TAF1A: variants seen among roughly 807,000 people sequenced by gnomAD.
TAF1A encodes TATA-box binding protein associated factor, RNA polymerase I subunit A.
Under a neutral mutation model 61.6 loss-of-function variants are expected in TAF1A, and 42 were observed. That is an observed-to-expected ratio of 0.68 (90% CI 0.53 to 0.88). The LOEUF (loss-of-function observed/expected upper bound fraction) is 0.88. Ranked by LOEUF, TAF1A falls within the 40% of genes least tolerant of loss-of-function variation. TAF1A has a pLI of 0.00. For synonymous variants in TAF1A, 179 were observed against 177.7 expected, an observed-to-expected ratio of 1.01 and a Z score of -0.06; for missense variants, 424 against 518.7, an observed-to-expected ratio of 0.82 and a Z score of 1.77.
intron 3 of TAF1A, among the ~76,000 whole-genome samples, 155 bp downstream of exon 3, chr1:222,583,973 C>T (rs1660908472): frequency 6.6e-6 from 1 of 151,800 alleles, no homozygotes; most frequent in Non-Finnish European, 1.5e-5. Flanking sequence ...AAGAAGTGTG[C>T]AAAAAAGGTC....
intron 8 of TAF1A, 86 bp from the exon 9 acceptor site, chr1:222,563,382 A>G: frequency 7.3e-7 from 1 of 1,377,736 alleles, no homozygotes; most frequent in Non-Finnish European, 9.9e-7. Context: ...TATCAACTGT[A>G]TATATACTTT....
At chr1:222,588,120 TG>T (rs1223759214) in intron 2 of TAF1A, among the ~76,000 whole-genome samples, 1 of 152,160 alleles carries the variant, frequency 6.6e-6, no homozygotes, top group East Asian at 1.9e-4. Flanking sequence ...AGCAACTTCT[TG>T]AACACTTCCT....
At chr1:222,557,593 AGC>A (rs1275580544), downstream of TAF1A, among the ~76,000 whole-genome samples, 1 of 150,090 alleles carries the variant, frequency 6.7e-6, no homozygotes, top group Non-Finnish European at 1.5e-5. Context: ...TAGGACTACA[AGC>A]GCGCACCACC....
chr1:222,569,499 A>G lies in TAF1A; in HGVS notation c.894+11T>C, dbSNP rs76449579. On this transcript the variant is annotated intron_variant, in intron 7 of 10. Transcript: ENST00000352967. ...CAACCCTGGTCAAACATCGAGATAA[A>G]AATTCTATACCTTAAGCACACTTAT... 2.2e-3 allele frequency: 3,622 copies of G among 1,613,568 alleles called. 93 individuals are homozygous for G. The African/African-American group carries it at 0.044, about 20-fold the overall frequency.
Position 222,558,474 on chromosome 1 carries a change from G to A in TAF1A, c.*186C>T. 3.7e-6 allele frequency: 1 copy of A among 270,294 alleles called. No individual in the cohort carries two copies. The highest frequency in any genetic ancestry group is 5.1e-5 in the Admixed American group (1 of 19,610). 16.7% of individuals were successfully genotyped at this position (270,294 alleles called of 1,614,324 possible). On this transcript the variant is annotated 3_prime_UTR_variant, in exon 11 of 11. Coordinates refer to ENST00000352967, the MANE Select transcript of TAF1A (RefSeq NM_005681.4). The stretch of plus-strand genomic sequence containing the variant: ...CATTACAAAAAAGAAAACAGACATA[G>A]TTACAAAGAGCAAAGGCAGTAATAT...
At chr1:222,556,407 A>T (rs1208485644), downstream of TAF1A, among the ~76,000 whole-genome samples, 1 of 152,210 alleles carries the variant, frequency 6.6e-6, no homozygotes, top group Admixed American at 6.5e-5. Flanking sequence ...GGCCATACAG[A>T]TACTACATGA....
chr1:222,589,798 A>C lies in TAF1A; in HGVS notation c.-74T>G, dbSNP rs543610512. 1 of 348,560 alleles carries C rather than the reference A, an allele frequency of 2.9e-6. No homozygotes were observed. Among genetic ancestry groups the C allele is most frequent in the East Asian group, 4.3e-5 (1 of 23,238 alleles). 21.6% of individuals were successfully genotyped at this position (348,560 alleles called of 1,614,324 possible). The stretch of plus-strand genomic sequence containing the variant: ...CTCCGGCCCACGTGAAGAAATTCCC[A>C]CCGGAAGACGAGTTAGGAGAGCTTT... On this transcript the variant is annotated 5_prime_UTR_variant, in exon 1 of 11. Coordinates refer to ENST00000352967, the MANE Select transcript of TAF1A (RefSeq NM_005681.4).
intron 5 of TAF1A, among the ~76,000 whole-genome samples, 174 bp from the exon 6 acceptor site, chr1:222,570,839 G>A (rs1015643442): frequency 1.3e-5 from 2 of 152,004 alleles, no homozygotes. Flanking sequence ...CCAAAAAAAG[G>A]ACAGAAAAGA....
At chr1:222,569,155 A>G (rs1660239544) in intron 7 of TAF1A, 1 of 743,158 alleles carries the variant, frequency 1.3e-6, no homozygotes, top group Non-Finnish European at 1.8e-6. Flanking sequence ...CATGATTACC[A>G]TGGTGGTTCA....
intron 10 of TAF1A, 31 bp downstream of exon 10, chr1:222,561,333 T>G (rs1363400432): frequency 9.5e-6 from 15 of 1,581,838 alleles, no homozygotes; most frequent in Non-Finnish European, 1.3e-5. Context: ...GCCAAAGCTG[T>G]GTCTAGATAA....
intron 7 of TAF1A, among the ~76,000 whole-genome samples, chr1:222,567,570 A>G (rs1660166842): frequency 6.6e-6 from 1 of 152,212 alleles, no homozygotes; most frequent in Non-Finnish European, 1.5e-5. Flanking sequence ...ACTACAAAAC[A>G]GTTCAGAGAG....
At chr1:222,572,236 A>AG (rs1441742661) in intron 5 of TAF1A, among the ~76,000 whole-genome samples, 1 of 151,892 alleles carries the variant, frequency 6.6e-6, no homozygotes, top group East Asian at 1.9e-4. Flanking sequence ...AAAAAAAAAA[A>AG]AGTACTACAA....
At chr1:222,573,020 AC>A (rs1162560156) in intron 5 of TAF1A, among the ~76,000 whole-genome samples, 1 of 152,150 alleles carries the variant, frequency 6.6e-6, no homozygotes, top group East Asian at 1.9e-4. Flanking sequence ...TGTAATTCCA[AC>A]ACTTTGGGAG....
chr1:222,589,907 C>G lies in TAF1A; in HGVS notation c.-183G>C. The G allele has an allele frequency of 2.5e-6, 1 of 397,276 alleles. No homozygotes were observed. The highest frequency in any genetic ancestry group is 4.4e-6 in the Non-Finnish European group (1 of 225,764). The allele number at this position is 397,276 out of a possible 1,614,324, so 24.6% of individuals were successfully genotyped here. On this transcript the variant is annotated 5_prime_UTR_variant, in exon 1 of 11. Transcript: ENST00000352967. The stretch of plus-strand genomic sequence containing the variant: ...ACTCCTCCTGCTGCAGCAGGCGTAT[C>G]GTTGGCCTCGCCTCGACCCCGGAAG...
At chr1:222,578,680 C>A (rs1335464876) in intron 4 of TAF1A, among the ~76,000 whole-genome samples, 1 of 152,218 alleles carries the variant, frequency 6.6e-6, no homozygotes, top group Non-Finnish European at 1.5e-5. Context: ...CCAACCCTCT[C>A]TAGTTCCAGA....
intron 2 of TAF1A, among the ~76,000 whole-genome samples, chr1:222,587,942 C>A (rs2006790): frequency 0.86 from 130,038 of 151,868 alleles, 55,748 homozygotes; most frequent in East Asian, 0.93. Context: ...ATCTCAGTTA[C>A]TCGGGAGGCT....
intron 5 of TAF1A, among the ~76,000 whole-genome samples, chr1:222,572,655 G>A (rs1364937704): frequency 2.0e-5 from 3 of 152,090 alleles, no homozygotes; most frequent in Non-Finnish European, 2.9e-5. Flanking sequence ...CACTGCTCCC[G>A]GCTGCTAACT....
chr1:222,579,583 G>C (rs1431598151), intron 4 of TAF1A, among the ~76,000 whole-genome samples, 176 bp downstream of exon 4: 2 of 152,262 alleles, frequency 1.3e-5, no homozygotes, highest in East Asian at 3.9e-4. Context: ...GGAGGCGCCT[G>C]AAAATCAAGA....
chr1:222,588,400 C>A (rs1189801497), intron 2 of TAF1A, 43 bp downstream of exon 2: 3 of 1,597,434 alleles, frequency 1.9e-6, no homozygotes, highest in Non-Finnish European at 2.6e-6. Context: ...AATCTTACCA[C>A]CTCCTTAAAG....
Sources: gnomAD v4.1 joint callset for allele counts (sites outside exome capture counted in the v4.1 genomes callset) on GRCh38, gnomAD v4.1.1 for gene constraint, MANE v1.5 for transcripts, NCBI Gene and HGNC (gene_info 2026-07-23, HGNC 2026-07-21) for gene names.